NLRP7: variants seen among roughly 807,000 people sequenced by gnomAD.
The protein encoded by NLRP7 is NACHT, LRR and PYD domains-containing protein 7.
NLRP7 carries 72 observed loss-of-function variants against 85.5 expected under a neutral mutation model. The ratio of observed to expected loss-of-function variants is 0.84; its 90% CI spans 0.70 to 1.02. NLRP7 has a LOEUF of 1.02. Among genes scored for constraint, NLRP7 ranks in the 50% least tolerant of loss-of-function variants. NLRP7 has a pLI of 0.00. For synonymous variants in NLRP7, 550 were observed against 505.2 expected, an observed-to-expected ratio of 1.09 and a Z score of -1.19; for missense variants, 1,243 against 1,219.5, an observed-to-expected ratio of 1.02 and a Z score of -0.29.
chr19:54,933,442 G>T, intron 8 of NLRP7, 127 bp downstream of exon 8: 2 of 1,225,570 alleles, frequency 1.6e-6, no homozygotes, highest in Non-Finnish European at 2.3e-6. Context: ...ACCACGCCTG[G>T]CCTCTGCCTG....
At chr19:54,927,868 G>T in intron 9 of NLRP7, 93 bp from the exon 10 acceptor site, 1 of 1,082,658 alleles carries the variant, frequency 9.2e-7, no homozygotes, top group Non-Finnish European at 1.4e-6. Flanking sequence ...AAGGCGGGTG[G>T]ATCACTTGAG....
chr19:54,924,059 C>T (rs906175131), intron 9 of NLRP7, among the ~76,000 whole-genome samples, 187 bp from the exon 11 acceptor site: 4 of 152,094 alleles, frequency 2.6e-5, no homozygotes, highest in Admixed American at 2.6e-4. Flanking sequence ...CCTCCAGCTC[C>T]CAAGTTCAAG....
At chr19:54,939,946 C>T in exon 4 of NLRP7, 1 of 1,614,172 alleles carries the variant, frequency 6.2e-7, no homozygotes, top group South Asian at 1.1e-5. Flanking sequence ...CCCTGGGTAA[C>T]ATCTTCCTCT....
At chr19:54,927,538 A>G (rs1602110843) in intron 9 of NLRP7, 67 bp downstream of exon 10, 2 of 1,517,436 alleles carry the variant, frequency 1.3e-6, no homozygotes, top group East Asian at 2.3e-5. Flanking sequence ...CCTGAATGAC[A>G]GAGCACGACT....
At chr19:54,959,571 A>G (rs269921) in intron 1 of NLRP7, among the ~76,000 whole-genome samples, 113,084 of 151,370 alleles carry the variant, frequency 0.75, 42,891 homozygotes, top group East Asian at 0.98. Flanking sequence ...ATAGCACTTT[A>G]GGAGGTTGAG....
chr19:54,923,953 C>T, intron 9 of NLRP7, 81 bp from the exon 11 acceptor site: 1 of 1,486,884 alleles, frequency 6.7e-7, no homozygotes, highest in South Asian at 1.1e-5. Context: ...TTTTCAAACA[C>T]TCAAAGCAGG....
intron 1 of NLRP7, among the ~76,000 whole-genome samples, chr19:54,943,134 C>G (rs28676304): frequency 2.0e-5 from 3 of 148,850 alleles, no homozygotes; most frequent in Admixed American, 2.0e-4. Context: ...GCAACAAGAG[C>G]GAAACTCTAT....
At chr19:54,936,577 T>C in intron 5 of NLRP7, 146 bp from the exon 6 acceptor site, 2 of 735,390 alleles carry the variant, frequency 2.7e-6, no homozygotes, top group Non-Finnish European at 4.8e-6. Flanking sequence ...ACCCCAGCAC[T>C]TTGGGAGGCT....
chr19:54,930,588 G>C lies in NLRP7; in HGVS notation c.2721C>G (p.Asn907Lys), dbSNP rs61750468. 3.7e-6 allele frequency: 6 copies of C among 1,611,872 alleles called. No individual in the cohort carries two copies. The African/African-American group carries it at 8.0e-5, about 22-fold the overall frequency. ...CTATCTGGTTGATACTCAAGTCCAGGTTTGTGAGGCTGCAGGCTTCTTGGA... is the reference window on the plus strand; with the variant it reads ...CTATCTGGTTGATACTCAAGTCCAGCTTTGTGAGGCTGCAGGCTTCTTGGA... The change falls in exon 9 of 10, where the codon AAC becomes AAG. Residue 907 changes from asparagine to lysine, a missense_variant. Physicochemically the swap from Asn to Lys is moderately conservative, Grantham distance 94. Around this residue, in one of 3 missense-constraint regions of NLRP7, gnomAD observed 613 missense variants for 588.4 expected, o/e 1.04. Transcript: ENST00000340844.
intron 1 of NLRP7, among the ~76,000 whole-genome samples, chr19:54,945,160 T>A (rs538900556): frequency 6.7e-6 from 1 of 149,398 alleles, no homozygotes; most frequent in African/African-American, 2.5e-5. Flanking sequence ...GGAGAATGGC[T>A]TGAACCTGGG....
At chr19:54,940,555 G>C (rs1342494795) in intron 3 of NLRP7, 89 bp from the exon 4 acceptor site, 19 of 1,445,148 alleles carry the variant, frequency 1.3e-5, no homozygotes, top group South Asian at 5.7e-5. Flanking sequence ...GGCCAGGCAC[G>C]GTGTCTCATG....
chr19:54,951,784 T>C (rs1004710393), upstream of NLRP7, among the ~76,000 whole-genome samples: 9 of 151,224 alleles, frequency 6.0e-5, no homozygotes, highest in Non-Finnish European at 4.4e-5. Context: ...GGAGTCTCGC[T>C]CTGTCGCCCA....
intron 1 of NLRP7, among the ~76,000 whole-genome samples, chr19:54,944,711 G>A (rs1308259212): frequency 6.6e-6 from 1 of 151,992 alleles, no homozygotes; most frequent in Non-Finnish European, 1.5e-5. Flanking sequence ...AGCAGGAAGA[G>A]CATGAGAGCC....
rs760043213 is a variant in NLRP7, at chr19:54,934,664, G to GA, written c.2301-6dup. On this transcript the variant is annotated splice_region_variant and splice_polypyrimidine_tract_variant and intron_variant, in intron 6 of 9. Coordinates refer to ENST00000340844, the Ensembl canonical transcript of NLRP7. This position sits in a 1 kb window ranked among gnomAD's most constrained non-coding sequence, Gnocchi z 6.7. Reference sequence around the variant, plus strand: ...GTGGCACAGTGACCTCCCAACCTGTGAAAAGAGTGGGAAAAGTCATTCTTC... The same window carrying GA: ...GTGGCACAGTGACCTCCCAACCTGTGAAAAAGAGTGGGAAAAGTCATTCTTC... 3.7e-6 allele frequency: 6 copies of GA among 1,611,236 alleles called. No individual in the cohort carries two copies. In the South Asian group the frequency reaches 6.6e-5, roughly 18 times the overall value.
At chr19:54,942,392 T>C (rs2069273791) in intron 1 of NLRP7, among the ~76,000 whole-genome samples, 1 of 151,492 alleles carries the variant, frequency 6.6e-6, no homozygotes, top group Admixed American at 6.6e-5. Context: ...TTCACACTGA[T>C]AGTACAAAAT....
rs573877611 is a variant in NLRP7 at position 54,955,513 on chromosome 19, A to G, written c.-76-8008T>C. Among the ~76,000 whole-genome samples, 9 of 152,218 alleles carry G rather than the reference A, an allele frequency of 5.9e-5. No individual in the cohort carries two copies. The South Asian group carries it at 1.2e-3, about 21-fold the overall frequency. On this transcript the variant is annotated intron_variant, in intron 1 of 2. Transcript: ENST00000587103. ...ATGAAACCTCTTCTTGATCAAATAT[A>G]CAGAATTTCGACTGAGCACAGTGGC...
intron 1 of NLRP7, chr19:54,965,225 C>G (rs1243914485): frequency 1.0e-5 from 1 of 99,098 alleles, no homozygotes; most frequent in Non-Finnish European, 2.1e-5. Flanking sequence ...CCCCAAAAGA[C>G]CTCTCAGTAA....
chr19:54,963,813 G>C (rs564405865), intron 1 of NLRP7, among the ~76,000 whole-genome samples: 97 of 147,978 alleles, frequency 6.6e-4, no homozygotes, highest in Middle Eastern at 6.9e-3. Context: ...GACAGTGCCA[G>C]ACTCAGTCTC....
chr19:54,927,591 CAAAA>C lies in NLRP7; in HGVS notation c.2810+2904_2810+2907del, dbSNP rs747304811. 6.2e-7 allele frequency: 1 copy of C among 1,612,532 alleles called. No individual in the cohort carries two copies. Among genetic ancestry groups the C allele is most frequent in the African/African-American group, 1.3e-5 (1 of 74,740 alleles). The stretch of plus-strand genomic sequence containing the variant: ...AAACAAAAAACAAAACAAAACAAAA[CAAAA>C]AACCCATACCTGAGTATCTTCAAGG... On this transcript the variant is annotated intron_variant, in intron 9 of 9. Transcript: ENST00000340844.
Sources: allele counts gnomAD v4.1 joint callset (sites outside exome capture counted in the v4.1 genomes callset), GRCh38; gene constraint gnomAD v4.1.1; regional missense constraint gnomAD v4.1.1; non-coding constraint Gnocchi (gnomAD v3.1); transcripts MANE v1.5; gene names NCBI Gene and HGNC (gene_info 2026-07-23, HGNC 2026-07-21).